The following RMDN2 variants were observed in gnomAD, a reference collection of about 807,000 sequenced individuals.
RMDN2 encodes regulator of microtubule dynamics protein 2.
RMDN2 carries 61 observed loss-of-function variants against 52.8 expected under a neutral mutation model. The observed-to-expected ratio is 1.16, with a 90% CI of 0.94 to 1.43. The LOEUF (loss-of-function observed/expected upper bound fraction) is 1.43. Ranked by LOEUF, RMDN2 falls within the 40% of genes most tolerant of loss-of-function variation. RMDN2 has a pLI of 0.00. For missense variants in RMDN2, 592 were observed against 475.3 expected (o/e 1.25, Z -2.28); for synonymous variants, 180 against 153.1 (o/e 1.18, Z -1.30).
Position 37,929,558 on chromosome 2 carries a change from G to A in RMDN2, c.281G>A (p.Arg94Lys). ...ATGGAAGAACTCAAAGAGGAAATCA[G>A]ATTTCTTAAAGAAGCTATTCCAAAG... ...TNMEELKEEI[R>K]FLKEAIPKLE... The change falls in exon 2 of 11, where the codon AGA (arginine) becomes AAA (lysine). Residue 94 changes from arginine (R) to lysine (K), a missense_variant. Arg to Lys is a conservative substitution (Grantham distance 26, BLOSUM62 2). Coordinates refer to ENST00000354545, the MANE Select transcript of RMDN2 (RefSeq NM_001170791.3). 6.4e-7 allele frequency: 1 copy of A among 1,551,838 alleles called. No homozygotes were observed. Among genetic ancestry groups the A allele is most frequent in the Non-Finnish European group, 8.7e-7 (1 of 1,146,994 alleles).
intron 2 of RMDN2, among the ~76,000 whole-genome samples, chr2:37,961,385 TC>T (rs1670216280): frequency 6.6e-6 from 1 of 152,046 alleles, no homozygotes; most frequent in African/African-American, 2.4e-5. Flanking sequence ...CTTTGTTTGT[TC>T]CTTTGCATTC....
At chr2:37,999,892 C>G (rs1357388788) in intron 8 of RMDN2, among the ~76,000 whole-genome samples, 1 of 152,132 alleles carries the variant, frequency 6.6e-6, no homozygotes. Flanking sequence ...GTCTGAATGA[C>G]CTGGACACAC....
At chr2:38,033,558 C>G (rs951086396) in intron 10 of RMDN2, among the ~76,000 whole-genome samples, 9 of 152,192 alleles carry the variant, frequency 5.9e-5, no homozygotes, top group African/African-American at 2.2e-4. Context: ...ACATTGTTAT[C>G]CAATTCTATA....
chr2:38,033,603 C>T (rs545850271), intron 10 of RMDN2, among the ~76,000 whole-genome samples: 7 of 152,252 alleles, frequency 4.6e-5, no homozygotes, highest in Non-Finnish European at 1.0e-4. Flanking sequence ...TGTGGACACA[C>T]ATTCATTCTC....
chr2:37,973,005 T>G (rs1672002690), intron 2 of RMDN2, among the ~76,000 whole-genome samples: 1 of 152,232 alleles, frequency 6.6e-6, no homozygotes, highest in Non-Finnish European at 1.5e-5. Context: ...TAACGGGAGC[T>G]GCAAGTTGTG....
At chr2:38,031,054 C>T (rs145949940) in intron 10 of RMDN2, among the ~76,000 whole-genome samples, 9 of 151,418 alleles carry the variant, frequency 5.9e-5, no homozygotes, top group Non-Finnish European at 1.0e-4. Flanking sequence ...ATTTAAGTGT[C>T]TCCCATAGGG....
intron 7 of RMDN2, among the ~76,000 whole-genome samples, chr2:37,995,266 A>G (rs1558525835): frequency 6.6e-6 from 1 of 152,008 alleles, no homozygotes; most frequent in African/African-American, 2.4e-5. Flanking sequence ...AAACATATAT[A>G]TGGTTTCAGG....
At chr2:38,000,403 C>G (rs1004890371) in intron 8 of RMDN2, among the ~76,000 whole-genome samples, 1 of 152,170 alleles carries the variant, frequency 6.6e-6, no homozygotes, top group Non-Finnish European at 1.5e-5. Flanking sequence ...TGAAGTTTGA[C>G]AAACTTATAT....
At chr2:37,975,361 A>C (rs373439322) in intron 4 of RMDN2, 47 bp downstream of exon 4, 1 of 1,078,564 alleles carries the variant, frequency 9.3e-7, no homozygotes, top group African/African-American at 1.6e-5. Flanking sequence ...TAAGATCTAT[A>C]GTAAATCATG....
intron 2 of RMDN2, among the ~76,000 whole-genome samples, chr2:37,969,245 A>G (rs973193082): frequency 3.3e-5 from 5 of 152,044 alleles, no homozygotes; most frequent in Admixed American, 2.6e-4. Context: ...GGTCTGTTCC[A>G]TAGAAAATTC....
intron 10 of RMDN2, among the ~76,000 whole-genome samples, chr2:38,006,706 T>C (rs1677142015): frequency 6.6e-6 from 1 of 152,328 alleles, no homozygotes; most frequent in African/African-American, 2.4e-5. Flanking sequence ...TTCCTTCTCC[T>C]GCCTGATTGC....
chr2:37,932,775 G>A lies in RMDN2; in HGVS notation c.452+3046G>A, dbSNP rs867017095. The stretch of plus-strand genomic sequence containing the variant: ...CCAGTAGGGGCGGCCGGGCAGAGGC[G>A]CCCCTCACCTCCCGGACGGGGCGGC... On this transcript the variant is annotated intron_variant, in intron 2 of 10. Coordinates refer to ENST00000354545, the MANE Select transcript of RMDN2 (RefSeq NM_001170791.3). Among the ~76,000 whole-genome samples the A allele has an allele frequency of 1.6e-3, 222 of 142,314 alleles. 3 individuals carry two copies. Among genetic ancestry groups the A allele is most frequent in the Middle Eastern group, 3.6e-3 (1 of 278 alleles). The allele number at this position is 142,314 out of a possible 152,430, so 93.4% of individuals were successfully genotyped here. A position where few individuals can be genotyped will look rare whatever the true frequency, so the allele number is the denominator to read the frequency against.
intron 10 of RMDN2, among the ~76,000 whole-genome samples, chr2:38,042,155 T>C (rs1680992796): frequency 6.6e-6 from 1 of 152,194 alleles, no homozygotes; most frequent in Non-Finnish European, 1.5e-5. Flanking sequence ...ATTATTTATT[T>C]CTCTTTGTGT....
At chr2:38,041,735 T>G (rs1680967301) in intron 10 of RMDN2, among the ~76,000 whole-genome samples, 1 of 152,172 alleles carries the variant, frequency 6.6e-6, no homozygotes, top group Non-Finnish European at 1.5e-5. Context: ...AGTGTATTAA[T>G]GTGATAGATC....
chr2:37,983,897 A>G (rs1330626707), intron 5 of RMDN2, among the ~76,000 whole-genome samples: 1 of 152,168 alleles, frequency 6.6e-6, no homozygotes, highest in Admixed American at 6.5e-5. Flanking sequence ...TTTTGTAAAT[A>G]AAGTTTTATT....
intron 7 of RMDN2, among the ~76,000 whole-genome samples, chr2:37,995,328 T>TACTACG (rs1553372299): frequency 4.4e-5 from 6 of 135,802 alleles, no homozygotes; most frequent in Non-Finnish European, 8.9e-5. Flanking sequence ...GGATGACTAC[T>TACTACG]ACTACTACTA....
At chr2:38,027,163 G>A (rs1463220992) in intron 10 of RMDN2, 1 of 152,162 alleles carries the variant, frequency 6.6e-6, no homozygotes, top group Non-Finnish European at 1.5e-5. Context: ...TCTCCCCATA[G>A]CCTCAGCTCT....
intron 2 of RMDN2, among the ~76,000 whole-genome samples, chr2:37,960,690 T>C (rs1286202609): frequency 6.6e-6 from 1 of 152,240 alleles, no homozygotes; most frequent in Non-Finnish European, 1.5e-5. Flanking sequence ...CCCACTTACA[T>C]TTAAGGTTAA....
chr2:38,064,059 AC>A (rs1359505398), intron 10 of RMDN2, among the ~76,000 whole-genome samples: 20 of 152,244 alleles, frequency 1.3e-4, no homozygotes, highest in Admixed American at 1.2e-3. Context: ...AGAGATATGT[AC>A]TAAATCATGT....
Sources: gnomAD v4.1 joint callset for allele counts (sites outside exome capture counted in the v4.1 genomes callset) on GRCh38, gnomAD v4.1.1 for gene constraint, MANE v1.5 for transcripts, NCBI Gene and HGNC (gene_info 2026-07-23, HGNC 2026-07-21) for gene names.